Variants in CCDC88A observed in about 807,000 individuals in gnomAD.
CCDC88A encodes the protein coiled-coil and HOOK domain protein 88A.
A neutral mutation model predicts 234.3 loss-of-function variants in CCDC88A; 54 were observed. The observed-to-expected ratio is 0.23, with a 90% confidence interval of 0.19 to 0.29. The LOEUF is 0.29. Ranked by LOEUF, CCDC88A falls within the 10% of genes least tolerant of loss-of-function variation. The pLI, the probability that CCDC88A is intolerant of heterozygous loss-of-function variation, is 1.00. For missense variants in CCDC88A, 1,832 were observed against 2,123.4 expected (o/e 0.86, Z 2.70); for synonymous variants, 753 against 737.8 (o/e 1.02, Z -0.33).
intron 5 of CCDC88A, among the ~76,000 whole-genome samples, 177 bp downstream of exon 5, chr2:55,372,270 GAAATA>G (rs1030009349): frequency 1.3e-5 from 2 of 152,092 alleles, no homozygotes; most frequent in African/African-American, 4.8e-5. Context: ...ACTAAATTCT[GAAATA>G]AAATAAGTGG....
At chr2:55,331,248 G>A (rs779990425) in intron 16 of CCDC88A, among the ~76,000 whole-genome samples, 3 of 152,160 alleles carry the variant, frequency 2.0e-5, no homozygotes, top group African/African-American at 4.8e-5. Flanking sequence ...GACAGTCAAC[G>A]AAATCTGCAC....
intron 25 of CCDC88A, among the ~76,000 whole-genome samples, chr2:55,303,379 G>A (rs1206641691): frequency 3.3e-5 from 5 of 151,212 alleles, no homozygotes; most frequent in African/African-American, 1.2e-4. Context: ...AGACAATGAT[G>A]AGGAACATAT....
intron 5 of CCDC88A, among the ~76,000 whole-genome samples, chr2:55,366,917 G>A (rs927651193): frequency 1.3e-5 from 2 of 152,116 alleles, no homozygotes; most frequent in African/African-American, 2.4e-5. Context: ...TTCTACCAAA[G>A]AGCAATAAGC....
chr2:55,409,698 A>G (rs1288023974), intron 2 of CCDC88A, among the ~76,000 whole-genome samples: 4 of 141,840 alleles, frequency 2.8e-5, no homozygotes, highest in African/African-American at 1.1e-4. Flanking sequence ...CCACTGGGAG[A>G]GGAGTCCATG....
At chr2:55,344,261 G>A (rs542403819) in intron 11 of CCDC88A, 107 bp downstream of exon 11, 27 of 656,270 alleles carry the variant, frequency 4.1e-5, no homozygotes, top group Non-Finnish European at 6.5e-5. Context: ...TCTCTTCTCT[G>A]TTAAAGCCTC....
rs1424998001 is a variant in CCDC88A at position 55,343,608 on chromosome 2, T to A, written c.1333+40A>T. 2.7e-6 allele frequency: 4 copies of A among 1,497,270 alleles called. No individual in the cohort carries two copies. In the East Asian group the frequency reaches 6.9e-5, roughly 26 times the overall value. 92.7% of individuals were successfully genotyped at this position (1,497,270 alleles called of 1,614,324 possible). On this transcript the variant is annotated intron_variant, in intron 12 of 32. Transcript: ENST00000436346. ...GCAAGTAAACATAAATACAACTTCA[T>A]GATTCGATTATCTATTTAAATTAAA...
chr2:55,413,809 A>G (rs1189785534), intron 2 of CCDC88A, among the ~76,000 whole-genome samples: 1 of 151,974 alleles, frequency 6.6e-6, no homozygotes, highest in Non-Finnish European at 1.5e-5. Context: ...AAAATTAGTC[A>G]AGCATGGTAG....
chr2:55,388,823 C>T lies in CCDC88A; in HGVS notation c.228G>A (p.Met76Ile). ...KKVNNDASLR[M>I]HNLSILVRQI... ...GTCTCACCAAAATGGATAGATTGTGCATTCTAAGTGAGGCATCATTATTGA... is the reference window on the plus strand; with the variant it reads ...GTCTCACCAAAATGGATAGATTGTGTATTCTAAGTGAGGCATCATTATTGA... The change falls in exon 3 of 33, where the codon ATG (methionine) becomes ATA (isoleucine). Residue 76 changes from methionine to isoleucine, a missense_variant. Met to Ile is a conservative substitution (Grantham distance 10). This residue lies in a region of CCDC88A where 84 missense variants were observed against 80.9 expected (regional missense o/e 1.04). Coordinates refer to ENST00000436346, the MANE Select transcript of CCDC88A (RefSeq NM_001365480.1). 6.5e-7 allele frequency: 1 copy of T among 1,541,040 alleles called. No individual in the cohort carries two copies. The highest frequency in any genetic ancestry group is 8.9e-7 in the Non-Finnish European group (1 of 1,128,772).
intron 21 of CCDC88A, chr2:55,316,749 T>G (rs1436891889): frequency 6.6e-6 from 1 of 152,116 alleles, no homozygotes; most frequent in South Asian, 2.1e-4. Flanking sequence ...TCTCTTTTTT[T>G]TTTGGAGATG....
intron 21 of CCDC88A, among the ~76,000 whole-genome samples, chr2:55,316,328 T>C (rs920797590): frequency 6.6e-6 from 1 of 152,082 alleles, no homozygotes; most frequent in African/African-American, 2.4e-5. Context: ...ATTTTTAATT[T>C]CCTTTTTTCA....
chr2:55,371,918 T>C (rs760323241), intron 5 of CCDC88A, among the ~76,000 whole-genome samples: 3 of 152,208 alleles, frequency 2.0e-5, no homozygotes, highest in Non-Finnish European at 4.4e-5. Flanking sequence ...TAAGGGATAA[T>C]ATCTGACACA....
intron 25 of CCDC88A, among the ~76,000 whole-genome samples, chr2:55,304,963 A>G (rs905093107): frequency 5.3e-5 from 8 of 152,226 alleles, no homozygotes; most frequent in Non-Finnish European, 1.2e-4. Context: ...AGAGAGTGCA[A>G]TGGACATATA....
intron 29 of CCDC88A, among the ~76,000 whole-genome samples, chr2:55,299,031 C>G (rs897202384): frequency 1.3e-5 from 2 of 152,130 alleles, no homozygotes; most frequent in Non-Finnish European, 2.9e-5. Context: ...GAAACCCTGT[C>G]TCCACTAAAA....
chr2:55,349,634 T>C, intron 8 of CCDC88A, 35 bp from the exon 9 acceptor site: 1 of 1,458,980 alleles, frequency 6.9e-7, no homozygotes, highest in Non-Finnish European at 9.5e-7. Context: ...AAGTATACTA[T>C]TTTTGAAAAC....
chr2:55,356,813 T>A (rs545800981), intron 7 of CCDC88A: 1 of 152,228 alleles, frequency 6.6e-6, no homozygotes, highest in East Asian at 1.9e-4. Context: ...GCACCTGTAA[T>A]CTCAGCTACC....
chr2:55,331,362 AATT>A lies in CCDC88A; in HGVS notation c.2855+1201_2855+1203del, dbSNP rs148021844. On this transcript the variant is annotated intron_variant, in intron 16 of 32. Coordinates refer to ENST00000436346, the MANE Select transcript of CCDC88A (RefSeq NM_001365480.1). ...ACTGATTGCTAGAATAAATGCCTCA[AATT>A]ATATCTTTTTGTTATTACACAACTA... Among the ~76,000 whole-genome samples, 831 of 152,326 alleles carry A rather than the reference AATT, an allele frequency of 5.5e-3. 8 individuals carry two copies. The highest frequency in any genetic ancestry group is 7.3e-3 in the Non-Finnish European group (496 of 68,018).
In CCDC88A at chr2:55,335,037, G is replaced by C. The variant is rs1398695983; in HGVS notation, c.1784C>G (p.Ser595Cys). Residue 595 changes from serine (S) to cysteine (C), a missense_variant, in exon 15 of 33, where the codon TCT (serine) becomes TGT (cysteine). Coordinates refer to ENST00000436346, the MANE Select transcript of CCDC88A (RefSeq NM_001365480.1). This position sits in a 1 kb window ranked among gnomAD's most constrained non-coding sequence, Gnocchi z 4.5. ...TAGCTTGCTACTTGTTTCTTTGATA[G>C]ATTCATGAAGAATTTTGTTTTCTTT... Reference protein sequence around the residue: ...IEKENKILHESIKETSSKLSK... With the variant: ...IEKENKILHECIKETSSKLSK... The C allele has an allele frequency of 1.9e-6, 3 of 1,610,300 alleles. No homozygotes were observed. Among genetic ancestry groups the C allele is most frequent in the Non-Finnish European group, 8.5e-7 (1 of 1,177,672 alleles).
chr2:55,298,886 A>C (rs1680527022), intron 29 of CCDC88A, among the ~76,000 whole-genome samples: 1 of 151,160 alleles, frequency 6.6e-6, no homozygotes, highest in African/African-American at 2.4e-5. Context: ...AAAAAAAAAA[A>C]AAAAAAACAC....
At chr2:55,359,510 C>T (rs919026905) in intron 7 of CCDC88A, among the ~76,000 whole-genome samples, 5 of 151,646 alleles carry the variant, frequency 3.3e-5, no homozygotes, top group Admixed American at 6.6e-5. Flanking sequence ...AATAGTCTGA[C>T]TCAAAAACAA....
Sources: gnomAD v4.1 joint callset for allele counts (sites outside exome capture counted in the v4.1 genomes callset) on GRCh38, gnomAD v4.1.1 for gene constraint, gnomAD v4.1.1 regional missense constraint, Gnocchi (gnomAD v3.1) non-coding constraint, MANE v1.5 for transcripts, NCBI Gene and HGNC (gene_info 2026-07-23, HGNC 2026-07-21) for gene names.